The following KIAA1217 variants were observed in gnomAD, a reference collection of about 807,000 sequenced individuals.
The protein encoded by KIAA1217 is sickle tail protein homolog.
In KIAA1217, 88 loss-of-function variants were observed where a neutral mutation model predicts 163.9. That is an observed-to-expected ratio of 0.54 (90% confidence interval 0.45 to 0.64). KIAA1217 has a LOEUF of 0.64. Among genes scored for constraint, KIAA1217 ranks in the 30% least tolerant of loss-of-function variants. The pLI is 0.00. For missense variants in KIAA1217, 2,372 were observed against 2,475.0 expected (o/e 0.96, Z 0.88); for synonymous variants, 903 against 923.1 (o/e 0.98, Z 0.39).
At chr10:24,414,488 G>A (rs1007018738) in intron 3 of KIAA1217, among the ~76,000 whole-genome samples, 6 of 152,154 alleles carry the variant, frequency 3.9e-5, no homozygotes, top group African/African-American at 1.2e-4. Context: ...ATGGGAGGGG[G>A]TACTTATAGG....
chr10:24,193,936 C>G (rs953965313), intron 2 of KIAA1217, among the ~76,000 whole-genome samples: 1 of 81,450 alleles, frequency 1.2e-5, no homozygotes, highest in African/African-American at 4.2e-5. Flanking sequence ...ACCTGTAACC[C>G]CAGCACTTTG....
In KIAA1217 at chr10:24,543,684, G is replaced by A. The variant is rs1408204677; in HGVS notation, c.4414G>A (p.Glu1472Lys). ...TIFEECDEEL[E>K]RMMMEEKIEE... is the part of the protein sequence containing the mutation. Reference sequence around the variant, plus strand: ...CTTTGAGGAATGTGATGAGGAATTAGAGAGAATGATGATGGAGGAAAAGAT... The same window carrying A: ...CTTTGAGGAATGTGATGAGGAATTAAAGAGAATGATGATGGAGGAAAAGAT... Residue 1472 changes from glutamate to lysine, a missense_variant, in exon 19 of 21, where the codon GAG becomes AAG. Around this residue, in one of 3 missense-constraint regions of KIAA1217, gnomAD observed 690 missense variants for 677.5 expected, o/e 1.02. Transcript: ENST00000376454. The A allele has an allele frequency of 1.2e-6, 2 of 1,613,850 alleles. No homozygotes were observed. Among genetic ancestry groups the A allele is most frequent in the Admixed American group, 1.7e-5 (1 of 59,998 alleles).
chr10:24,192,861 G>T (rs2066789966), intron 2 of KIAA1217, among the ~76,000 whole-genome samples: 1 of 152,182 alleles, frequency 6.6e-6, no homozygotes, highest in African/African-American at 2.4e-5. Flanking sequence ...GCTCCCTGTG[G>T]CCTCAGACTC....
At chr10:24,535,209 C>T (rs751911705) in intron 16 of KIAA1217, among the ~76,000 whole-genome samples, 3 of 152,214 alleles carry the variant, frequency 2.0e-5, no homozygotes, top group Non-Finnish European at 4.4e-5. Context: ...TCTAAGTAAG[C>T]GGATAAACCA....
intron 2 of KIAA1217, among the ~76,000 whole-genome samples, chr10:24,277,941 A>C (rs1460949094): frequency 6.6e-6 from 1 of 152,250 alleles, no homozygotes; most frequent in African/African-American, 2.4e-5. Context: ...GATAGAAAGC[A>C]GTGCTTGCTG....
At chr10:23,768,446 C>T (rs2130874252) in intron 1 of KIAA1217, among the ~76,000 whole-genome samples, 1 of 152,320 alleles carries the variant, frequency 6.6e-6, no homozygotes, top group South Asian at 2.1e-4. Context: ...GTGCCCCTGG[C>T]CCCTTGGCAC....
At chr10:23,943,891 A>C (rs1354524610) in intron 1 of KIAA1217, among the ~76,000 whole-genome samples, 1 of 152,210 alleles carries the variant, frequency 6.6e-6, no homozygotes. Context: ...ACAATGAAAA[A>C]CTAAACTTTT....
At chr10:23,703,255 G>A (rs560863288) in intron 1 of KIAA1217, among the ~76,000 whole-genome samples, 2 of 152,272 alleles carry the variant, frequency 1.3e-5, no homozygotes, top group South Asian at 2.1e-4. Context: ...CAAAGAAAGT[G>A]CAGTGTGGGA....
At chr10:23,883,180 G>A (rs548830376) in intron 1 of KIAA1217, among the ~76,000 whole-genome samples, 45 of 151,992 alleles carry the variant, frequency 3.0e-4, no homozygotes, top group African/African-American at 1.0e-3. Context: ...TCTTTGAACC[G>A]AGTGAAATTG....
intron 1 of KIAA1217, among the ~76,000 whole-genome samples, chr10:23,877,972 C>T (rs934249362): frequency 5.3e-5 from 8 of 151,868 alleles, no homozygotes; most frequent in African/African-American, 9.7e-5. Context: ...CAGGATTGCC[C>T]GGGGCACACA....
chr10:24,397,765 G>A (rs1420635768), intron 3 of KIAA1217, among the ~76,000 whole-genome samples: 1 of 152,160 alleles, frequency 6.6e-6, no homozygotes, highest in African/African-American at 2.4e-5. Context: ...TGAAGCTGGA[G>A]CCACAGAGGT....
At chr10:23,970,837 G>A (rs1415365089) in intron 1 of KIAA1217, among the ~76,000 whole-genome samples, 3 of 152,192 alleles carry the variant, frequency 2.0e-5, no homozygotes, top group South Asian at 2.1e-4. Context: ...GTCAGCAGCG[G>A]TAAGTCTGTA....
At chr10:24,001,219 T>C (rs886715454) in intron 1 of KIAA1217, among the ~76,000 whole-genome samples, 4 of 152,256 alleles carry the variant, frequency 2.6e-5, no homozygotes, top group Non-Finnish European at 4.4e-5. Flanking sequence ...GAGTTACTTA[T>C]GTACTATTTT....
At chr10:24,390,448 T>C (rs377204499) in intron 3 of KIAA1217, among the ~76,000 whole-genome samples, 1 of 114,242 alleles carries the variant, frequency 8.8e-6, no homozygotes, top group Admixed American at 1.1e-4. Flanking sequence ...GCCAGTAGTA[T>C]GGGGGAAAAA....
intron 2 of KIAA1217, among the ~76,000 whole-genome samples, chr10:24,105,717 A>C (rs977226909): frequency 3.3e-5 from 5 of 152,198 alleles, no homozygotes; most frequent in Non-Finnish European, 7.3e-5. Flanking sequence ...TTGAGTATCT[A>C]CTATGTTCCA....
chr10:23,779,193 G>T (rs957173172), intron 1 of KIAA1217, among the ~76,000 whole-genome samples: 4 of 152,124 alleles, frequency 2.6e-5, no homozygotes, highest in African/African-American at 9.7e-5. Context: ...TATAATAGTG[G>T]ATCGCTAGAA....
intron 1 of KIAA1217, among the ~76,000 whole-genome samples, chr10:23,844,981 G>A (rs1588932780): frequency 6.6e-6 from 1 of 152,140 alleles, no homozygotes; most frequent in Non-Finnish European, 1.5e-5. Context: ...GTGAGAACAT[G>A]TGGTGTTTGG....
rs149100047 is a variant in KIAA1217, at chr10:23,803,838, A to G, written c.-321+108604A>G. 1.9e-3 allele frequency among the ~76,000 whole-genome samples: 296 copies of G among 152,220 alleles called. 1 individual carries two copies. Among genetic ancestry groups the G allele is most frequent in the African/African-American group, 6.8e-3 (281 of 41,534 alleles). ...TGCATTTTGATGAAATGACCATGAG[A>G]ATGCTTTGATTTTACCTGGTGGGTT... On this transcript the variant is annotated intron_variant, in intron 1 of 18. Coordinates refer to the KIAA1217 transcript ENST00000376462.
intron 1 of KIAA1217, among the ~76,000 whole-genome samples, chr10:23,909,120 T>C (rs1214548638): frequency 1.3e-5 from 2 of 152,142 alleles, no homozygotes; most frequent in East Asian, 1.9e-4. Context: ...CAAAACATCA[T>C]ACGTTCTCAC....
Sources: allele counts gnomAD v4.1 joint callset (sites outside exome capture counted in the v4.1 genomes callset), GRCh38; gene constraint gnomAD v4.1.1; regional missense constraint gnomAD v4.1.1; transcripts MANE v1.5; gene names NCBI Gene and HGNC (gene_info 2026-07-23, HGNC 2026-07-21).